Variants in GLIS3 observed in about 807,000 individuals in gnomAD.
GLIS3 encodes the protein GLIS family zinc finger 3.
GLIS3 carries 53 observed loss-of-function variants against 78.6 expected under a neutral mutation model. The ratio of observed to expected loss-of-function variants is 0.67; its 90% confidence interval spans 0.54 to 0.85. The LOEUF is 0.85. GLIS3 is among the 40% of genes least tolerant of loss of function. The pLI is 0.00. For missense variants in GLIS3, 1,703 were observed against 1,231.1 expected, an observed-to-expected ratio of 1.38 and a Z score of -5.74; for synonymous variants, 684 against 509.9, an observed-to-expected ratio of 1.34 and a Z score of -4.60.
At chr9:4,296,344 A>G (rs1226811983) in intron 1 of GLIS3, among the ~76,000 whole-genome samples, 2 of 151,758 alleles carry the variant, frequency 1.3e-5, no homozygotes, top group Non-Finnish European at 2.9e-5. Context: ...CTGGAATGGC[A>G]GAAGGACCAC....
chr9:4,144,364 A>AT, intron 2 of GLIS3, among the ~76,000 whole-genome samples: 1 of 152,342 alleles, frequency 6.6e-6, no homozygotes, highest in Non-Finnish European at 1.5e-5. Flanking sequence ...TATAACATGC[A>AT]TTTTACTAAA....
intron 4 of GLIS3, among the ~76,000 whole-genome samples, chr9:4,056,782 T>C (rs1390108849): frequency 6.6e-6 from 1 of 151,534 alleles, no homozygotes; most frequent in Non-Finnish European, 1.5e-5. Flanking sequence ...GGAATCAATC[T>C]ATAAGGAAAA....
At chr9:4,471,897 C>A in the GLIS3 span, among the ~76,000 whole-genome samples, 4 of 152,030 alleles carry the variant, frequency 2.6e-5, no homozygotes, top group African/African-American at 9.7e-5. Flanking sequence ...AAATAACTTA[C>A]ACAGATCTAC....
chr9:3,931,373 G>T (rs1825602857), intron 6 of GLIS3, among the ~76,000 whole-genome samples: 1 of 152,104 alleles, frequency 6.6e-6, no homozygotes, highest in Non-Finnish European at 1.5e-5. Context: ...AAGAATGCAA[G>T]ATTTCTAAGT....
At chr9:4,032,207 G>C (rs1023263348) in intron 4 of GLIS3, among the ~76,000 whole-genome samples, 1 of 152,158 alleles carries the variant, frequency 6.6e-6, no homozygotes, top group Non-Finnish European at 1.5e-5. Flanking sequence ...CTACACACAG[G>C]AGGAGGTTTC....
chr9:4,256,663 C>G (rs114510060), intron 2 of GLIS3, among the ~76,000 whole-genome samples: 1 of 152,146 alleles, frequency 6.6e-6, no homozygotes, highest in Non-Finnish European at 1.5e-5. Flanking sequence ...ACACAATTCA[C>G]ATTAAAATTC....
intron 6 of GLIS3, among the ~76,000 whole-genome samples, chr9:3,909,802 C>T (rs1479300427): frequency 9.9e-5 from 15 of 152,124 alleles, no homozygotes; most frequent in Admixed American, 7.9e-4. Flanking sequence ...AACTCTGTAG[C>T]AACACTATCC....
At chr9:4,084,502 G>A (rs1828849240) in intron 4 of GLIS3, among the ~76,000 whole-genome samples, 1 of 152,142 alleles carries the variant, frequency 6.6e-6, no homozygotes, top group African/African-American at 2.4e-5. Context: ...CACACAAGGA[G>A]ACGAGGAGGA....
chr9:4,226,331 T>C (rs145572091), intron 2 of GLIS3, among the ~76,000 whole-genome samples: 221 of 152,332 alleles, frequency 1.5e-3, no homozygotes, highest in Admixed American at 5.6e-3. Flanking sequence ...GATAGGTCCA[T>C]ATACATCTTT....
chr9:4,082,189 T>C (rs1473057996), intron 4 of GLIS3, among the ~76,000 whole-genome samples: 1 of 152,204 alleles, frequency 6.6e-6, no homozygotes, highest in Non-Finnish European at 1.5e-5. Context: ...AGTAAGAGCA[T>C]CATGCAGGCA....
intron 7 of GLIS3, among the ~76,000 whole-genome samples, chr9:3,897,637 C>T (rs980470879): frequency 6.6e-6 from 1 of 152,212 alleles, no homozygotes; most frequent in African/African-American, 2.4e-5. Flanking sequence ...TGATAAAGGT[C>T]CAATGGGCCA....
chr9:4,169,261 G>C lies in GLIS3; in HGVS notation c.389-43320C>G, dbSNP rs563456409. Among the ~76,000 whole-genome samples the C allele has an allele frequency of 1.4e-3, 217 of 152,306 alleles. 1 individual carries two copies. The highest frequency in any genetic ancestry group is 2.3e-3 in the South Asian group (11 of 4,828). On this transcript the variant is annotated intron_variant, in intron 2 of 10. Transcript: ENST00000381971. ...TCAAGATTTCTACTTTGTATTCACT[G>C]ACCTTTAAAAACAAAAAACATCATT... is the stretch of plus-strand genomic sequence containing the variant.
intron 5 of GLIS3, chr9:3,932,865 G>A: frequency 2.7e-6 from 1 of 376,874 alleles, no homozygotes; most frequent in Non-Finnish European, 5.3e-6. Context: ...TAAGGGTTCA[G>A]GTAAAGAAGC....
At chr9:3,901,666 T>C (rs12345678) in intron 6 of GLIS3, among the ~76,000 whole-genome samples, 257 of 152,306 alleles carry the variant, frequency 1.7e-3, no homozygotes, top group African/African-American at 5.9e-3. Flanking sequence ...GATATGAAAG[T>C]GGCACAGTGA....
At chr9:4,144,683 A>G (rs1332621625) in intron 2 of GLIS3, among the ~76,000 whole-genome samples, 1 of 152,210 alleles carries the variant, frequency 6.6e-6, no homozygotes, top group Non-Finnish European at 1.5e-5. Flanking sequence ...ATCAACCATG[A>G]GTAGGGGCAA....
At chr9:4,414,419 A>T in the GLIS3 span, among the ~76,000 whole-genome samples, 4 of 152,330 alleles carry the variant, frequency 2.6e-5, no homozygotes, top group Admixed American at 2.6e-4. Context: ...CACCTATGTG[A>T]CAATGGACAA....
At chr9:4,378,469 G>T in the GLIS3 span, among the ~76,000 whole-genome samples, 2 of 151,776 alleles carry the variant, frequency 1.3e-5, no homozygotes, top group Admixed American at 1.3e-4. Flanking sequence ...CCTGACTCTG[G>T]GAAGAACCAG....
intron 4 of GLIS3, among the ~76,000 whole-genome samples, chr9:4,042,645 T>C (rs1824916128): frequency 1.3e-5 from 2 of 152,190 alleles, no homozygotes; most frequent in South Asian, 2.1e-4. Context: ...TTGAAACATT[T>C]GGTTAATTAA....
intron 4 of GLIS3, among the ~76,000 whole-genome samples, chr9:4,050,945 A>T (rs747234615): frequency 6.6e-6 from 1 of 152,240 alleles, no homozygotes; most frequent in Non-Finnish European, 1.5e-5. Context: ...TGAAGGTTTC[A>T]CAATAAACTA....
Sources: gnomAD v4.1 joint callset for allele counts (sites outside exome capture counted in the v4.1 genomes callset) on GRCh38, gnomAD v4.1.1 for gene constraint, MANE v1.5 for transcripts, NCBI Gene and HGNC (gene_info 2026-07-23, HGNC 2026-07-21) for gene names.